Variants in FAM120B observed in about 807,000 individuals in gnomAD.
FAM120B encodes family with sequence similarity 120 member B, also known as constitutive coactivator of peroxisome proliferator-activated receptor gamma.
Under a neutral mutation model 96.3 loss-of-function variants are expected in FAM120B, and 83 were observed. The observed-to-expected ratio is 0.86, with a 90% CI of 0.72 to 1.03. The LOEUF is 1.03. FAM120B is among the 50% of genes least tolerant of loss of function. The pLI is 0.00. For missense variants in FAM120B, 1,027 were observed against 1,121.2 expected (o/e 0.92, Z 1.20); for synonymous variants, 407 against 402.7 (o/e 1.01, Z -0.13).
At chr6:170,335,174 A>G (rs1786330524) in intron 4 of FAM120B, among the ~76,000 whole-genome samples, 1 of 151,576 alleles carries the variant, frequency 6.6e-6, no homozygotes, top group Admixed American at 6.6e-5. Context: ...CCCCACATGC[A>G]TTAGGTATTT....
At chr6:170,369,336 A>T (rs1789025587) in intron 6 of FAM120B, among the ~76,000 whole-genome samples, 1 of 152,194 alleles carries the variant, frequency 6.6e-6, no homozygotes, top group Non-Finnish European at 1.5e-5. Context: ...GGATGCCTGG[A>T]ACCAGCTGTG....
intron 1 of FAM120B, among the ~76,000 whole-genome samples, chr6:170,311,812 G>A (rs888984339): frequency 6.6e-6 from 1 of 152,212 alleles, no homozygotes; most frequent in Non-Finnish European, 1.5e-5. Flanking sequence ...TTGTTGAAGA[G>A]AGCTGAATAT....
chr6:170,335,022 C>T (rs1253077801), intron 4 of FAM120B, among the ~76,000 whole-genome samples: 1 of 148,514 alleles, frequency 6.7e-6, no homozygotes, highest in African/African-American at 2.5e-5. Flanking sequence ...TGTGCGTAGT[C>T]AGGGTTTTTT....
chr6:170,351,000 A>T (rs573804777), intron 5 of FAM120B, among the ~76,000 whole-genome samples: 1 of 152,368 alleles, frequency 6.6e-6, no homozygotes, highest in East Asian at 1.9e-4. Context: ...TCGCGGAGCT[A>T]AAGGAGCATG....
At chr6:170,322,638 T>C (rs113912169) in intron 2 of FAM120B, among the ~76,000 whole-genome samples, 3 of 152,246 alleles carry the variant, frequency 2.0e-5, no homozygotes, top group African/African-American at 4.8e-5. Context: ...TCAAATGTTA[T>C]GGTGAAGGAT....
intron 4 of FAM120B, among the ~76,000 whole-genome samples, chr6:170,339,847 C>G (rs1399719018): frequency 6.6e-6 from 1 of 151,416 alleles, no homozygotes; most frequent in East Asian, 1.9e-4. Flanking sequence ...AGGGTTTCTG[C>G]AGAGAGATCT....
At chr6:170,353,580 C>T (rs1414548498) in intron 5 of FAM120B, among the ~76,000 whole-genome samples, 1 of 151,126 alleles carries the variant, frequency 6.6e-6, no homozygotes, top group African/African-American at 2.4e-5. Context: ...TCCGTGGGAA[C>T]TAACTTCAGC....
At chr6:170,303,692 C>T (rs981959228), upstream of FAM120B, among the ~76,000 whole-genome samples, 4 of 152,228 alleles carry the variant, frequency 2.6e-5, no homozygotes, top group East Asian at 5.8e-4. Context: ...TGTAAACACA[C>T]GTAAGGTCAC....
At position 170,348,210 on chromosome 6, in the gene FAM120B, C is replaced by A; in HGVS notation, c.2077C>A (p.Arg693Ser). Residue 693 changes from arginine to serine, a missense_variant, in exon 5 of 11, where the codon CGC becomes AGC. Physicochemically the swap from Arg to Ser is moderately radical, Grantham distance 110 (BLOSUM62 -1). This residue lies in a region of FAM120B where 880 missense variants were observed against 980.9 expected (regional missense o/e 0.90). Coordinates refer to ENST00000476287, the MANE Select transcript of FAM120B (RefSeq NM_032448.3). ...CCAAGAGCCAGAAATACAGGTTCGG[C>A]GCTTGGACACACTCCTAGCCTGTTT... ...LNQEPEIQVR[R>S]LDTLLACFNL... is the part of the protein sequence containing the mutation. 1 of 1,614,032 alleles carries A rather than the reference C, an allele frequency of 6.2e-7. No homozygotes were observed. Among genetic ancestry groups the A allele is most frequent in the African/African-American group, 1.3e-5 (1 of 75,022 alleles).
chr6:170,316,470 C>T (rs1047510952), intron 1 of FAM120B, among the ~76,000 whole-genome samples: 1 of 152,236 alleles, frequency 6.6e-6, no homozygotes, highest in African/African-American at 2.4e-5. Context: ...TGACCATTCA[C>T]GCACATCATT....
intron 6 of FAM120B, among the ~76,000 whole-genome samples, chr6:170,378,616 G>A (rs896557424): frequency 3.3e-5 from 5 of 152,200 alleles, no homozygotes; most frequent in African/African-American, 1.2e-4. Flanking sequence ...GAGACAGGAG[G>A]CAGGAAGCAG....
rs1789121889 is a variant in FAM120B at position 170,370,544 on chromosome 6, A to T, written c.2283+12226A>T. Among the ~76,000 whole-genome samples, 1 of 152,000 alleles carries T rather than the reference A, an allele frequency of 6.6e-6. No individual in the cohort carries two copies. Among genetic ancestry groups the T allele is most frequent in the Non-Finnish European group, 1.5e-5 (1 of 68,010 alleles). ...TCTTTGAAGTTCTTCTGGGGGTTAA[A>T]CCTAAACTCAGAAGCCAGAACTCGG... On this transcript the variant is annotated intron_variant, in intron 6 of 10. Coordinates refer to ENST00000476287, the MANE Select transcript of FAM120B (RefSeq NM_032448.3). This position sits in a 1 kb window ranked among gnomAD's most constrained non-coding sequence, Gnocchi z 4.3.
chr6:170,300,738 C>T (rs1784122938), intron 1 of FAM120B, among the ~76,000 whole-genome samples: 1 of 152,212 alleles, frequency 6.6e-6, no homozygotes. Flanking sequence ...GGACCACAGG[C>T]CCCATGCAAG....
chr6:170,323,202 T>G lies in FAM120B; in HGVS notation c.1858T>G (p.Phe620Val). 1.2e-6 allele frequency: 2 copies of G among 1,614,130 alleles called. No individual in the cohort carries two copies. Among genetic ancestry groups the G allele is most frequent in the Non-Finnish European group, 1.7e-6 (2 of 1,180,000 alleles). The change falls in exon 3 of 11, where the codon TTC becomes GTC. Residue 620 changes from phenylalanine (F) to valine (V), a missense_variant. By Grantham distance (50) the Phe-to-Val change is conservative (BLOSUM62 -1). This residue lies in a region of FAM120B where 880 missense variants were observed against 980.9 expected (regional missense o/e 0.90). Transcript: ENST00000476287. Reference protein sequence around the residue: ...ELDQALPSQAFIYRPIRQRVY... With the variant: ...ELDQALPSQAVIYRPIRQRVY... ...TGACCAGGCCTTACCCAGCCAGGCC[T>G]TCATTTACCGTCCCATTCGACAGCG... is the stretch of plus-strand genomic sequence containing the variant.
chr6:170,306,592 A>T (rs953778319), upstream of FAM120B: 2 of 152,152 alleles, frequency 1.3e-5, no homozygotes, highest in Admixed American at 1.3e-4. Flanking sequence ...GCGGCGTCCC[A>T]CGCCGCCGGC....
upstream of FAM120B, chr6:170,295,227 G>A (rs1329840079): frequency 1.8e-6 from 1 of 552,622 alleles, no homozygotes; most frequent in Non-Finnish European, 3.2e-6. The surrounding 1 kb of genome is among the most constrained non-coding windows in gnomAD (Gnocchi z 7.8). Flanking sequence ...CTTTGGACAC[G>A]TGAACATAGA....
chr6:170,374,304 T>C (rs1313231326), intron 6 of FAM120B, among the ~76,000 whole-genome samples: 1 of 152,218 alleles, frequency 6.6e-6, no homozygotes, highest in East Asian at 1.9e-4. Flanking sequence ...AGGTAAATTA[T>C]ACGTAAATTG....
intron 6 of FAM120B, among the ~76,000 whole-genome samples, chr6:170,359,392 T>TAA (rs1176162647): frequency 8.2e-6 from 1 of 121,552 alleles, no homozygotes; most frequent in African/African-American, 2.7e-5. Context: ...AAACTCTGTC[T>TAA]CAAAAAAAAA....
intron 6 of FAM120B, among the ~76,000 whole-genome samples, chr6:170,377,141 C>T (rs1390195505): frequency 1.0e-5 from 1 of 100,324 alleles, no homozygotes; most frequent in African/African-American, 4.6e-5. Flanking sequence ...AACACAGGCT[C>T]ACGCTGCTCG....
Sources: allele counts gnomAD v4.1 joint callset (sites outside exome capture counted in the v4.1 genomes callset), GRCh38; gene constraint gnomAD v4.1.1; regional missense constraint gnomAD v4.1.1; non-coding constraint Gnocchi (gnomAD v3.1); transcripts MANE v1.5; gene names NCBI Gene and HGNC (gene_info 2026-07-23, HGNC 2026-07-21).